Variants in FHIT observed in about 807,000 individuals in gnomAD.
FHIT encodes fragile histidine triad diadenosine triphosphatase, also known as bis(5'-adenosyl)-triphosphatase.
Under a neutral mutation model 17.9 loss-of-function variants are expected in FHIT, and 19 were observed. The ratio of observed to expected loss-of-function variants is 1.06; its 90% CI spans 0.74 to 1.56. The LOEUF (loss-of-function observed/expected upper bound fraction) is 1.56, where lower values mean the gene tolerates loss of function less well. Among genes scored for constraint, FHIT ranks in the 40% most tolerant of loss-of-function variants. The pLI, the probability that FHIT is intolerant of heterozygous loss-of-function variation, is 0.00. For missense variants in FHIT, 248 were observed against 189.2 expected, an observed-to-expected ratio of 1.31 and a Z score of -1.82; for synonymous variants, 81 against 69.7, an observed-to-expected ratio of 1.16 and a Z score of -0.81.
chr3:60,760,215 C>T (rs113520974), intron 4 of FHIT, among the ~76,000 whole-genome samples: 85 of 152,228 alleles, frequency 5.6e-4, no homozygotes, highest in East Asian at 9.7e-4. Flanking sequence ...CAGATAATTG[C>T]GGAAGCCAAG....
At chr3:59,751,763 T>G (rs502739) in intron 9 of FHIT, 1 of 234,302 alleles carries the variant, frequency 4.3e-6, no homozygotes, top group Admixed American at 5.6e-5. Context: ...GTCCACTCAG[T>G]GAAAGCAGAG....
intron 4 of FHIT, among the ~76,000 whole-genome samples, chr3:60,603,168 TTAAAAACTCA>T (rs1375367243): frequency 2.0e-4 from 31 of 152,284 alleles, no homozygotes; most frequent in African/African-American, 7.2e-4. Context: ...ATTGGTGTAG[TTAAAAACTCA>T]TAAAAACTCC....
At chr3:60,398,973 T>G (rs779758154) in intron 5 of FHIT, among the ~76,000 whole-genome samples, 7 of 152,146 alleles carry the variant, frequency 4.6e-5, no homozygotes, top group Non-Finnish European at 1.0e-4. Flanking sequence ...GAATGAAATT[T>G]TATTATATAT....
At chr3:59,993,516 A>G (rs1699377576) in intron 7 of FHIT, among the ~76,000 whole-genome samples, 1 of 152,000 alleles carries the variant, frequency 6.6e-6, no homozygotes, top group South Asian at 2.1e-4. Flanking sequence ...CAATTGGCAA[A>G]CAGCCTCTCT....
At chr3:60,829,979 G>C (rs529586080) in intron 3 of FHIT, among the ~76,000 whole-genome samples, 1 of 152,182 alleles carries the variant, frequency 6.6e-6, no homozygotes, top group South Asian at 2.1e-4. Context: ...CAAATCACTA[G>C]AGACTCTTAC....
intron 5 of FHIT, among the ~76,000 whole-genome samples, chr3:60,343,515 T>C (rs1710627813): frequency 6.6e-6 from 1 of 152,188 alleles, no homozygotes; most frequent in Non-Finnish European, 1.5e-5. Flanking sequence ...GTATTAAAGA[T>C]GAGGAAAGGT....
chr3:61,149,179 C>T, intron 2 of FHIT, among the ~76,000 whole-genome samples: 1 of 152,110 alleles, frequency 6.6e-6, no homozygotes, highest in East Asian at 1.9e-4. Flanking sequence ...AAGTGAGAAA[C>T]CATTGAAATT....
chr3:61,223,510 G>C (rs1427696331), intron 1 of FHIT, among the ~76,000 whole-genome samples: 2 of 152,128 alleles, frequency 1.3e-5, no homozygotes, highest in Non-Finnish European at 2.9e-5. Context: ...TTCTATCTTT[G>C]GGTTGCTGAC....
chr3:60,319,885 G>C lies in FHIT; in HGVS notation c.103+216975C>G, dbSNP rs116521656. On this transcript the variant is annotated intron_variant, in intron 5 of 9. Coordinates refer to ENST00000492590, the MANE Select transcript of FHIT (RefSeq NM_002012.4). Reference sequence around the variant, plus strand: ...TCTTTAATTTCATGGGAAGGGGTAGGGTAGGTGCCTACACAAAACAGGGTT... The same window carrying C: ...TCTTTAATTTCATGGGAAGGGGTAGCGTAGGTGCCTACACAAAACAGGGTT... Among the ~76,000 whole-genome samples, 321 of 152,142 alleles carry C rather than the reference G, an allele frequency of 2.1e-3. 3 individuals are homozygous for C. The highest frequency in any genetic ancestry group is 7.3e-3 in the African/African-American group (305 of 41,508).
At chr3:60,524,400 A>C (rs2035496029) in intron 5 of FHIT, among the ~76,000 whole-genome samples, 1 of 152,184 alleles carries the variant, frequency 6.6e-6, no homozygotes, top group Non-Finnish European at 1.5e-5. Context: ...TAGCATATGT[A>C]CATCTGGGGA....
intron 4 of FHIT, among the ~76,000 whole-genome samples, chr3:60,687,095 G>T (rs373823852): frequency 2.0e-5 from 3 of 152,142 alleles, no homozygotes; most frequent in Non-Finnish European, 2.9e-5. Context: ...CAATGTTAAC[G>T]TTAAATAACA....
Position 60,790,793 on chromosome 3 carries a change from C to T in FHIT, c.-18+31126G>A, listed in dbSNP as rs546882209. On this transcript the variant is annotated intron_variant, in intron 4 of 9. Transcript: ENST00000492590. ...ACAAAAGATTGAGTCCTAATGTAAA[C>T]GAGGGATGACTTCAGTTAACAATAG... Among the ~76,000 whole-genome samples the T allele has an allele frequency of 1.0e-3, 152 of 152,134 alleles. 1 individual carries two copies. Among genetic ancestry groups the T allele is most frequent in the African/African-American group, 1.4e-3 (60 of 41,496 alleles).
intron 4 of FHIT, among the ~76,000 whole-genome samples, chr3:60,744,270 A>AAAC (rs2042307486): frequency 4.4e-5 from 1 of 22,510 alleles, no homozygotes; most frequent in African/African-American, 2.0e-4. Flanking sequence ...AAACAAAACA[A>AAAC]AAAAAAAAAA....
chr3:61,198,501 G>A (rs1275453045), intron 2 of FHIT, among the ~76,000 whole-genome samples: 2 of 147,442 alleles, frequency 1.4e-5, no homozygotes, highest in Admixed American at 1.4e-4. Flanking sequence ...CTGTTAGGAA[G>A]GAAAAACATA....
At chr3:60,941,415 A>AAACG (rs67263733) in intron 3 of FHIT, among the ~76,000 whole-genome samples, 1 of 380 alleles carries the variant, frequency 2.6e-3, no homozygotes, top group Non-Finnish European at 0.031. Flanking sequence ...TCCAACACTT[A>AAACG]AAGAAATTAA....
In FHIT at chr3:60,162,134, C is replaced by A. The variant is rs920115378; in HGVS notation, c.104-147982G>T. On this transcript the variant is annotated intron_variant, in intron 5 of 9. Coordinates refer to ENST00000492590, the MANE Select transcript of FHIT (RefSeq NM_002012.4). ...GGAGACAGAGGAAGGGGCAGAATGA[C>A]CTGAAAGGCCATTCTAGTGCTATTA... Among the ~76,000 whole-genome samples the A allele has an allele frequency of 6.6e-5, 10 of 152,196 alleles. No homozygotes were observed. The East Asian group carries it at 1.9e-3, about 29-fold the overall frequency.
At chr3:60,536,437 A>G (rs1315662018) in intron 5 of FHIT, 1 of 156,644 alleles carries the variant, frequency 6.4e-6, no homozygotes, top group Non-Finnish European at 1.4e-5. Flanking sequence ...TCAGTCTCAA[A>G]TCCTCACATA....
At chr3:60,611,211 C>T (rs1479158576) in intron 4 of FHIT, among the ~76,000 whole-genome samples, 1 of 152,080 alleles carries the variant, frequency 6.6e-6, no homozygotes, top group Non-Finnish European at 1.5e-5. Context: ...GGGCTAGAAA[C>T]CTGGAACACA....
rs9860688 is a variant in FHIT at position 60,888,813 on chromosome 3, C to T, written c.-110-66802G>A. On this transcript the variant is annotated intron_variant, in intron 3 of 9. Coordinates refer to ENST00000492590, the MANE Select transcript of FHIT (RefSeq NM_002012.4). ...TTATTTTGAGATAATTATAGATTCA[C>T]TTGCAGTGGTAAGAAATAATATAGA... 5.6e-3 allele frequency among the ~76,000 whole-genome samples: 859 copies of T among 152,278 alleles called. 8 individuals carry two copies. The highest frequency in any genetic ancestry group is 0.024 in the Middle Eastern group (7 of 294).
Sources: gnomAD v4.1 joint callset for allele counts (sites outside exome capture counted in the v4.1 genomes callset) on GRCh38, gnomAD v4.1.1 for gene constraint, MANE v1.5 for transcripts, NCBI Gene and HGNC (gene_info 2026-07-23, HGNC 2026-07-21) for gene names.